Variants in LSAMP observed in about 807,000 individuals in gnomAD.
The protein encoded by LSAMP is limbic system-associated membrane protein.
Under a neutral mutation model 38.6 loss-of-function variants are expected in LSAMP, and 7 were observed. That is an observed-to-expected ratio of 0.18 (90% CI 0.10 to 0.34). The LOEUF (loss-of-function observed/expected upper bound fraction) is 0.34. LSAMP is among the 10% of genes least tolerant of loss of function. The pLI is 1.00. For synonymous variants in LSAMP, 154 were observed against 166.8 expected, an observed-to-expected ratio of 0.92 and a Z score of 0.59; for missense variants, 313 against 420.0, an observed-to-expected ratio of 0.75 and a Z score of 2.23.
intron 3 of LSAMP, among the ~76,000 whole-genome samples, chr3:115,886,611 T>C (rs1936460392): frequency 6.6e-6 from 1 of 152,002 alleles, no homozygotes; most frequent in African/African-American, 2.4e-5. Context: ...AAAATTGTTA[T>C]TGGTGCTTTC....
intron 1 of LSAMP, among the ~76,000 whole-genome samples, chr3:116,142,802 G>A (rs986473967): frequency 3.3e-5 from 5 of 151,648 alleles, no homozygotes; most frequent in African/African-American, 9.7e-5. Flanking sequence ...CAACAAATTC[G>A]GGTGCTACTT....
rs1321330001 is a variant in LSAMP at position 115,842,507 on chromosome 3, C to A, written c.721G>T (p.Ala241Ser). 1 of 1,613,830 alleles carries A rather than the reference C, an allele frequency of 6.2e-7. No individual in the cohort carries two copies. The highest frequency in any genetic ancestry group is 8.5e-7 in the Non-Finnish European group (1 of 1,179,902). ...TGRQASLKCEASAVPAPDFEW... is the reference protein window; with the variant it reads ...TGRQASLKCESSAVPAPDFEW... Reference sequence around the variant, plus strand: ...AAGTCAGGTGCAGGCACTGCCGAGGCCTCACATTTGAGTGAAGCTTGTCGT... The same window carrying A: ...AAGTCAGGTGCAGGCACTGCCGAGGACTCACATTTGAGTGAAGCTTGTCGT... Residue 241 changes from alanine (A) to serine (S), a missense_variant, in exon 5 of 7, where the codon GCC (alanine) becomes TCC (serine). Coordinates refer to ENST00000490035, the MANE Select transcript of LSAMP (RefSeq NM_002338.5).
intron 1 of LSAMP, among the ~76,000 whole-genome samples, chr3:116,206,354 G>C (rs1237946785): frequency 6.6e-6 from 1 of 150,890 alleles, no homozygotes; most frequent in Non-Finnish European, 1.5e-5. Context: ...CAAAAAACCA[G>C]CTCCTGGATT....
Position 116,166,033 on chromosome 3 carries a change from C to A in LSAMP, c.156-79477G>T, listed in dbSNP as rs368534010. 4.6e-5 allele frequency among the ~76,000 whole-genome samples: 7 copies of A among 152,310 alleles called. No individual in the cohort carries two copies. The East Asian group carries it at 1.4e-3, about 29-fold the overall frequency. On this transcript the variant is annotated intron_variant, in intron 1 of 6. Coordinates refer to ENST00000490035, the MANE Select transcript of LSAMP (RefSeq NM_002338.5). ...CATATGTTTGTTGCAATAGAGAATGCTAATTGTGGTGGGCCAGGGAACTTG... is the reference window on the plus strand; with the variant it reads ...CATATGTTTGTTGCAATAGAGAATGATAATTGTGGTGGGCCAGGGAACTTG...
At chr3:116,402,920 C>T (rs775407825) in intron 1 of LSAMP, among the ~76,000 whole-genome samples, 1 of 152,024 alleles carries the variant, frequency 6.6e-6, no homozygotes, top group Non-Finnish European at 1.5e-5. Flanking sequence ...CCACTCTTGC[C>T]TTCAGGGAAT....
chr3:115,970,747 C>T (rs12496680), intron 3 of LSAMP, among the ~76,000 whole-genome samples: 35,440 of 151,972 alleles, frequency 0.23, 4,588 homozygotes, highest in African/African-American at 0.36. Context: ...TGTGACACTT[C>T]GTACTTGCAA....
intron 1 of LSAMP, among the ~76,000 whole-genome samples, chr3:116,305,781 G>GA (rs1332717779): frequency 6.6e-6 from 1 of 151,278 alleles, no homozygotes; most frequent in Non-Finnish European, 1.5e-5. Context: ...GAAGATAATA[G>GA]AAAAAAAAGG....
chr3:116,108,881 G>C (rs1708532417), intron 1 of LSAMP, among the ~76,000 whole-genome samples: 1 of 152,206 alleles, frequency 6.6e-6, no homozygotes, highest in Non-Finnish European at 1.5e-5. Flanking sequence ...TTGTCTCACA[G>C]TGGAGGCAAG....
intron 1 of LSAMP, among the ~76,000 whole-genome samples, chr3:116,356,176 A>G (rs867211290): frequency 1.6e-4 from 24 of 152,226 alleles, no homozygotes; most frequent in African/African-American, 4.6e-4. Flanking sequence ...TTTGCAAGCA[A>G]TCTAAGTGTC....
At chr3:116,082,694 T>C (rs1250962518) in intron 2 of LSAMP, among the ~76,000 whole-genome samples, 1 of 152,098 alleles carries the variant, frequency 6.6e-6, no homozygotes, top group East Asian at 1.9e-4. Context: ...CACCATGAAA[T>C]ATTATGCAGC....
chr3:116,301,129 T>A (rs2047402776), intron 1 of LSAMP, among the ~76,000 whole-genome samples: 1 of 152,032 alleles, frequency 6.6e-6, no homozygotes, highest in African/African-American at 2.4e-5. Context: ...GAAAATTTGA[T>A]ATCAACTATA....
At chr3:116,341,855 T>C (rs1206142064) in intron 1 of LSAMP, among the ~76,000 whole-genome samples, 2 of 151,874 alleles carry the variant, frequency 1.3e-5, no homozygotes, top group African/African-American at 4.8e-5. Flanking sequence ...AGAATAGCAC[T>C]GAAATGATGA....
At chr3:116,134,065 T>C (rs1709193498) in intron 1 of LSAMP, among the ~76,000 whole-genome samples, 1 of 152,138 alleles carries the variant, frequency 6.6e-6, no homozygotes, top group African/African-American at 2.4e-5. Context: ...GCCACAGCAT[T>C]ACCTAGAATA....
At chr3:116,021,975 C>T (rs1349919534) in intron 2 of LSAMP, among the ~76,000 whole-genome samples, 3 of 152,144 alleles carry the variant, frequency 2.0e-5, no homozygotes, top group Admixed American at 2.0e-4. Context: ...CCAAACCACA[C>T]TGCATCTCCT....
intron 1 of LSAMP, among the ~76,000 whole-genome samples, chr3:116,157,360 G>A (rs1477505505): frequency 1.3e-5 from 2 of 152,096 alleles, no homozygotes; most frequent in Non-Finnish European, 2.9e-5. Context: ...CAGTGGAAAT[G>A]TTAGTTTCCT....
chr3:116,329,944 A>G (rs2107739614), intron 1 of LSAMP, among the ~76,000 whole-genome samples: 1 of 152,338 alleles, frequency 6.6e-6, no homozygotes, highest in East Asian at 1.9e-4. Flanking sequence ...CATTCAATAT[A>G]GTGCTTGGCA....
At chr3:116,240,161 T>C (rs2046514516) in intron 1 of LSAMP, among the ~76,000 whole-genome samples, 1 of 152,182 alleles carries the variant, frequency 6.6e-6, no homozygotes, top group Non-Finnish European at 1.5e-5. Context: ...TTTATGGATA[T>C]AAGTATCCTT....
At chr3:116,274,938 A>G (rs2047026629) in intron 1 of LSAMP, among the ~76,000 whole-genome samples, 3 of 128,342 alleles carry the variant, frequency 2.3e-5, no homozygotes, top group African/African-American at 8.3e-5. Flanking sequence ...GAGGAATAAC[A>G]TCGAGTAAAA....
intron 3 of LSAMP, among the ~76,000 whole-genome samples, chr3:115,964,613 G>A (rs1350720246): frequency 1.3e-5 from 2 of 152,090 alleles, no homozygotes; most frequent in Non-Finnish European, 2.9e-5. Context: ...CATTCATTAT[G>A]CGCAGATGAT....
Sources: allele counts gnomAD v4.1 joint callset (sites outside exome capture counted in the v4.1 genomes callset), GRCh38; gene constraint gnomAD v4.1.1; transcripts MANE v1.5; gene names NCBI Gene and HGNC (gene_info 2026-07-23, HGNC 2026-07-21).